The following SCAPER variants were observed in gnomAD, a reference collection of about 807,000 sequenced individuals.
SCAPER encodes S-phase cyclin A associated protein in the ER.
Under a neutral mutation model 182.2 loss-of-function variants are expected in SCAPER, and 98 were observed. That is an observed-to-expected ratio of 0.54 (90% CI 0.46 to 0.64). The LOEUF is 0.64. Ranked by LOEUF, SCAPER falls within the 30% of genes least tolerant of loss-of-function variation. The probability of loss-of-function intolerance (pLI) is 0.00; values close to 1 mark genes in which losing one functional copy is unlikely to be tolerated. For missense variants in SCAPER, 1,432 were observed against 1,690.0 expected (o/e 0.85, Z 2.68); for synonymous variants, 605 against 564.6 (o/e 1.07, Z -1.01).
chr15:76,450,037 A>T (rs1315339208), intron 25 of SCAPER, among the ~76,000 whole-genome samples: 1 of 152,214 alleles, frequency 6.6e-6, no homozygotes, highest in East Asian at 1.9e-4. Context: ...AGCCTTATGT[A>T]AACAAATGCT....
intron 3 of SCAPER, among the ~76,000 whole-genome samples, chr15:76,860,267 T>A (rs2071770986): frequency 6.6e-6 from 1 of 152,176 alleles, no homozygotes; most frequent in South Asian, 2.1e-4. Flanking sequence ...AGAATTTTTT[T>A]TACTTTTGTA....
At chr15:76,488,868 G>A (rs548251567) in intron 24 of SCAPER, among the ~76,000 whole-genome samples, 11 of 151,086 alleles carry the variant, frequency 7.3e-5, no homozygotes, top group Admixed American at 2.6e-4. Flanking sequence ...GACTACAAGC[G>A]CGCATGACCA....
intron 22 of SCAPER, among the ~76,000 whole-genome samples, chr15:76,610,954 TAGTTAAAGCAATCTTGAGC>T (rs1377856823): frequency 2.4e-4 from 36 of 152,232 alleles, no homozygotes; most frequent in African/African-American, 8.7e-4. Context: ...ACTCCCCAAA[TAGTTAAAGCAATCTTGAGC>T]AAAAAGAACA....
chr15:76,647,556 G>A (rs888797973), intron 21 of SCAPER, among the ~76,000 whole-genome samples: 4 of 152,182 alleles, frequency 2.6e-5, no homozygotes, highest in Admixed American at 2.6e-4. Context: ...GTAAGTCTGA[G>A]CTAAGAAAAA....
chr15:76,417,674 T>G (rs2045745920), intron 26 of SCAPER, among the ~76,000 whole-genome samples: 1 of 152,138 alleles, frequency 6.6e-6, no homozygotes, highest in African/African-American at 2.4e-5. Flanking sequence ...AGGAAAGTGC[T>G]AGGCTAAAAT....
chr15:76,711,206 C>T (rs1210905882), intron 17 of SCAPER, among the ~76,000 whole-genome samples: 1 of 152,092 alleles, frequency 6.6e-6, no homozygotes, highest in Non-Finnish European at 1.5e-5. Context: ...TACTGGACAT[C>T]ATCAAAATTA....
chr15:76,561,981 C>T (rs1275514210), intron 23 of SCAPER, among the ~76,000 whole-genome samples: 1 of 151,352 alleles, frequency 6.6e-6, no homozygotes, highest in African/African-American at 2.4e-5. Context: ...CCCATCTCTA[C>T]CAAAAATACA....
intron 22 of SCAPER, among the ~76,000 whole-genome samples, chr15:76,595,440 A>C (rs1302823005): frequency 3.3e-5 from 4 of 121,770 alleles, no homozygotes; most frequent in African/African-American, 1.0e-4. Flanking sequence ...TCAGGACTTG[A>C]ACTTGGCTCT....
intron 29 of SCAPER, among the ~76,000 whole-genome samples, chr15:76,373,869 T>G (rs1019337483): frequency 6.6e-6 from 1 of 151,994 alleles, no homozygotes. Flanking sequence ...CAGATGGCTG[T>G]GACTTCCGAG....
intron 15 of SCAPER, among the ~76,000 whole-genome samples, chr15:76,746,282 T>C (rs1372007755): frequency 2.0e-5 from 3 of 152,242 alleles, no homozygotes; most frequent in African/African-American, 7.2e-5. Flanking sequence ...AATCCATAGA[T>C]GCTGAAGTCC....
At chr15:76,584,772 G>C (rs1387216984) in intron 22 of SCAPER, among the ~76,000 whole-genome samples, 3 of 152,008 alleles carry the variant, frequency 2.0e-5, no homozygotes, top group Admixed American at 6.6e-5. Flanking sequence ...CACTGTTCTT[G>C]AACTCCTGGG....
intron 23 of SCAPER, among the ~76,000 whole-genome samples, chr15:76,511,925 C>T (rs998307761): frequency 6.7e-6 from 1 of 148,638 alleles, no homozygotes; most frequent in African/African-American, 2.5e-5. Context: ...CTCTGTCACC[C>T]AGGCTGGGGT....
At chr15:76,406,232 C>T (rs1389426344) in intron 26 of SCAPER, among the ~76,000 whole-genome samples, 1 of 152,150 alleles carries the variant, frequency 6.6e-6, no homozygotes, top group Non-Finnish European at 1.5e-5. Flanking sequence ...AATCCCAGGA[C>T]TTTAGGAGGC....
At chr15:76,695,506 A>AG (rs2058605394) in intron 20 of SCAPER, among the ~76,000 whole-genome samples, 1 of 151,936 alleles carries the variant, frequency 6.6e-6, no homozygotes, top group African/African-American at 2.4e-5. Context: ...CTGAGACAGA[A>AG]GAATTGCTTG....
chr15:76,748,138 G>A (rs2151159404), intron 15 of SCAPER, among the ~76,000 whole-genome samples: 1 of 152,014 alleles, frequency 6.6e-6, no homozygotes, highest in Middle Eastern at 3.4e-3. Flanking sequence ...TTACAGGCAT[G>A]CGCCACCATG....
At chr15:76,860,434 T>C (rs925171397) in intron 3 of SCAPER, among the ~76,000 whole-genome samples, 1 of 152,084 alleles carries the variant, frequency 6.6e-6, no homozygotes, top group African/African-American at 2.4e-5. Context: ...TAAAAATAGC[T>C]AGGAAAACTG....
At chr15:76,474,363 G>A (rs2050451458) in intron 24 of SCAPER, among the ~76,000 whole-genome samples, 1 of 152,194 alleles carries the variant, frequency 6.6e-6, no homozygotes, top group South Asian at 2.1e-4. Context: ...AGATGGTGAA[G>A]AGAGACCTTG....
At chr15:76,513,327 T>G (rs2042187438) in intron 23 of SCAPER, among the ~76,000 whole-genome samples, 1 of 152,220 alleles carries the variant, frequency 6.6e-6, no homozygotes, top group Non-Finnish European at 1.5e-5. Flanking sequence ...GGAGAAATAC[T>G]GCTCACTGGA....
At chr15:76,570,479 T>G (rs2047360534) in intron 23 of SCAPER, among the ~76,000 whole-genome samples, 1 of 152,160 alleles carries the variant, frequency 6.6e-6, no homozygotes, top group Non-Finnish European at 1.5e-5. Context: ...TTCAGTTTTA[T>G]TTCATATTTT....
Sources: gnomAD v4.1 joint callset for allele counts (sites outside exome capture counted in the v4.1 genomes callset) on GRCh38, gnomAD v4.1.1 for gene constraint, MANE v1.5 for transcripts, NCBI Gene and HGNC (gene_info 2026-07-23, HGNC 2026-07-21) for gene names.